Variants in SLC24A2 observed in about 807,000 individuals in gnomAD.
SLC24A2 encodes sodium/potassium/calcium exchanger 2.
A neutral mutation model predicts 62.0 loss-of-function variants in SLC24A2; 36 were observed. The observed-to-expected ratio is 0.58, with a 90% CI of 0.44 to 0.77. SLC24A2 has a LOEUF of 0.77. Ranked by LOEUF, SLC24A2 falls within the 30% of genes least tolerant of loss-of-function variation. The pLI is 0.00. For synonymous variants in SLC24A2, 358 were observed against 294.0 expected (o/e 1.22, Z -2.23); for missense variants, 846 against 817.9 (o/e 1.03, Z -0.42).
At chr9:19,597,981 C>G (rs183976777) in intron 4 of SLC24A2, among the ~76,000 whole-genome samples, 8 of 152,246 alleles carry the variant, frequency 5.3e-5, no homozygotes, top group South Asian at 4.2e-4. Flanking sequence ...ATCAGCTCCC[C>G]CTCTGTGTAC....
the SLC24A2 span, among the ~76,000 whole-genome samples, chr9:19,938,951 A>G: frequency 6.6e-6 from 1 of 152,262 alleles, no homozygotes; most frequent in African/African-American, 2.4e-5. Flanking sequence ...AAAACTAAAA[A>G]TATCTTACAA....
At chr9:20,213,737 T>C in the SLC24A2 span, among the ~76,000 whole-genome samples, 1 of 152,218 alleles carries the variant, frequency 6.6e-6, no homozygotes, top group African/African-American at 2.4e-5. Flanking sequence ...CTCAGGAACT[T>C]AAAAACTTAT....
chr9:19,914,370 C>G, the SLC24A2 span, among the ~76,000 whole-genome samples: 5 of 151,780 alleles, frequency 3.3e-5, no homozygotes, highest in African/African-American at 7.3e-5. Flanking sequence ...AAATAAAACC[C>G]ATACACCTTA....
At chr9:19,919,342 G>T in the SLC24A2 span, among the ~76,000 whole-genome samples, 1 of 152,102 alleles carries the variant, frequency 6.6e-6, no homozygotes, top group Non-Finnish European at 1.5e-5. Flanking sequence ...TTTCGGAGGT[G>T]ATGGCAATGT....
At chr9:19,919,776 A>AG in the SLC24A2 span, among the ~76,000 whole-genome samples, 8 of 152,104 alleles carry the variant, frequency 5.3e-5, no homozygotes, top group Non-Finnish European at 1.0e-4. Context: ...TGCAGGGCAA[A>AG]GGGGGGCGGA....
At chr9:20,188,560 T>C in the SLC24A2 span, among the ~76,000 whole-genome samples, 4 of 152,104 alleles carry the variant, frequency 2.6e-5, no homozygotes, top group East Asian at 7.7e-4. Flanking sequence ...GCTTGAAAAT[T>C]TTATTAAGGA....
chr9:20,052,645 T>C, the SLC24A2 span, among the ~76,000 whole-genome samples: 404 of 152,308 alleles, frequency 2.7e-3, 6 homozygotes, highest in East Asian at 0.058. Context: ...CCTCACGACA[T>C]TGCTGGTGAG....
At position 19,521,819 on chromosome 9, in the gene SLC24A2, A is replaced by G. The variant is rs1586883425; in HGVS notation, c.1570-759T>C. On this transcript the variant is annotated intron_variant, in intron 9 of 10. Coordinates refer to ENST00000341998, the MANE Select transcript of SLC24A2 (RefSeq NM_020344.4). ...CTGTGACAGACTCTTTGTGAATAGT[A>G]CATTATTATTGAAAAGCAAGGGGAG... Among the ~76,000 whole-genome samples, 7 of 151,902 alleles carry G rather than the reference A, an allele frequency of 4.6e-5. No homozygotes were observed. The South Asian group carries it at 1.5e-3, about 32-fold the overall frequency.
At chr9:19,726,624 T>C (rs748809583) in intron 2 of SLC24A2, among the ~76,000 whole-genome samples, 2 of 152,162 alleles carry the variant, frequency 1.3e-5, no homozygotes, top group Non-Finnish European at 2.9e-5. Flanking sequence ...GATTATCAAA[T>C]TCCTGTTGGC....
At chr9:19,834,772 G>A in the SLC24A2 span, among the ~76,000 whole-genome samples, 4 of 152,180 alleles carry the variant, frequency 2.6e-5, no homozygotes, top group Middle Eastern at 3.4e-3. Flanking sequence ...ACACATAATC[G>A]TCAGATTCAC....
At chr9:20,232,850 C>G in the SLC24A2 span, among the ~76,000 whole-genome samples, 1 of 152,052 alleles carries the variant, frequency 6.6e-6, no homozygotes. Flanking sequence ...CCTGCTTTCT[C>G]TTGTGGGCAT....
intron 7 of SLC24A2, among the ~76,000 whole-genome samples, chr9:19,563,990 AC>A (rs1835546151): frequency 6.6e-6 from 1 of 151,710 alleles, no homozygotes; most frequent in Non-Finnish European, 1.5e-5. Flanking sequence ...AGTAGCTAGA[AC>A]CACAGGTGCA....
chr9:19,768,720 C>T (rs1822592509), intron 2 of SLC24A2, among the ~76,000 whole-genome samples: 1 of 152,056 alleles, frequency 6.6e-6, no homozygotes, highest in African/African-American at 2.4e-5. Context: ...AGGAATTTTC[C>T]ATTTAACATT....
At chr9:19,917,723 T>A in the SLC24A2 span, among the ~76,000 whole-genome samples, 1 of 152,044 alleles carries the variant, frequency 6.6e-6, no homozygotes, top group Non-Finnish European at 1.5e-5. Context: ...TTTTGTCTCA[T>A]ATCTATATCT....
At chr9:19,962,841 A>G in the SLC24A2 span, among the ~76,000 whole-genome samples, 1 of 152,022 alleles carries the variant, frequency 6.6e-6, no homozygotes, top group Non-Finnish European at 1.5e-5. Flanking sequence ...CTAATTGAAT[A>G]CCCTTTATTT....
the SLC24A2 span, among the ~76,000 whole-genome samples, chr9:20,235,650 A>G: frequency 6.6e-6 from 1 of 152,286 alleles, no homozygotes; most frequent in African/African-American, 2.4e-5. Context: ...TTTACTAGGA[A>G]AGGGAATTCC....
intron 2 of SLC24A2, among the ~76,000 whole-genome samples, chr9:19,732,396 G>C (rs1821366609): frequency 6.6e-6 from 1 of 152,198 alleles, no homozygotes; most frequent in African/African-American, 2.4e-5. Flanking sequence ...AGCAATACTG[G>C]CTATTAAAGA....
At chr9:19,708,545 T>C (rs575720168) in intron 2 of SLC24A2, among the ~76,000 whole-genome samples, 6 of 152,316 alleles carry the variant, frequency 3.9e-5, no homozygotes, top group Admixed American at 2.6e-4. Context: ...ATGGTACTGG[T>C]ACCAAAACAG....
chr9:19,762,917 C>T (rs1165828631), intron 2 of SLC24A2, among the ~76,000 whole-genome samples: 1 of 150,736 alleles, frequency 6.6e-6, no homozygotes, highest in Non-Finnish European at 1.5e-5. Flanking sequence ...GGCAGTATGG[C>T]TGTTTTCATG....
Sources: allele counts gnomAD v4.1 joint callset (sites outside exome capture counted in the v4.1 genomes callset), GRCh38; gene constraint gnomAD v4.1.1; transcripts MANE v1.5; gene names NCBI Gene and HGNC (gene_info 2026-07-23, HGNC 2026-07-21).